Variants in DNAH12 observed in about 807,000 individuals in gnomAD.
The protein encoded by DNAH12 is dynein axonemal heavy chain 12, also known as axonemal beta dynein heavy chain 12.
Under a neutral mutation model 371.5 loss-of-function variants are expected in DNAH12, and 285 were observed. The ratio of observed to expected loss-of-function variants is 0.77; its 90% CI spans 0.70 to 0.85. The LOEUF is 0.85. Among genes scored for constraint, DNAH12 ranks in the 40% least tolerant of loss-of-function variants. DNAH12 has a pLI of 0.00. For missense variants in DNAH12, 3,611 were observed against 3,689.4 expected, an observed-to-expected ratio of 0.98 and a Z score of 0.55; for synonymous variants, 1,200 against 1,213.0, an observed-to-expected ratio of 0.99 and a Z score of 0.22.
chr3:57,475,545 A>C (rs1409060658), intron 13 of DNAH12, among the ~76,000 whole-genome samples: 1 of 152,216 alleles, frequency 6.6e-6, no homozygotes, highest in Non-Finnish European at 1.5e-5. Context: ...TTAAAATGGT[A>C]AATTTTGTGT....
At position 57,446,070 on chromosome 3, in the gene DNAH12, A is replaced by G; in HGVS notation, c.4140T>C (p.Pro1380=). 1.3e-6 allele frequency: 2 copies of G among 1,551,692 alleles called. No individual in the cohort carries two copies. The highest frequency in any genetic ancestry group is 1.7e-6 in the Non-Finnish European group (2 of 1,146,990). Residue 1380 remains proline (P), a synonymous_variant, in exon 27 of 74, where the codon CCT becomes CCC. Coordinates refer to ENST00000495027, the MANE Select transcript of DNAH12 (RefSeq NM_001366028.2). ...PNCFVAITMN[P]GYAGRSELPD... ...GCAATTCAGAGCGTCCTGCATAGCC[A>G]GGATTCATGGTAATAGCTACAAAAC... is the stretch of plus-strand genomic sequence containing the variant.
intron 71 of DNAH12, 30 bp downstream of exon 71, chr3:57,296,817 T>C (rs368920234): frequency 1.3e-6 from 2 of 1,548,726 alleles, no homozygotes; most frequent in South Asian, 1.2e-5. Flanking sequence ...AATGTAATGA[T>C]ATACTGTTGA....
chr3:57,378,534 C>T (rs1424888044), intron 52 of DNAH12, among the ~76,000 whole-genome samples: 2 of 152,082 alleles, frequency 1.3e-5, no homozygotes, highest in African/African-American at 4.8e-5. Context: ...CACAAGCTAC[C>T]ATATATTTTC....
At chr3:57,369,208 T>A (rs890616561) in intron 55 of DNAH12, among the ~76,000 whole-genome samples, 1 of 98,890 alleles carries the variant, frequency 1.0e-5, no homozygotes, top group Non-Finnish European at 2.3e-5. Context: ...CAACAAAGAT[T>A]GAAACTCCAT....
intron 62 of DNAH12, among the ~76,000 whole-genome samples, chr3:57,327,565 T>C (rs1188532391): frequency 6.6e-6 from 1 of 151,496 alleles, no homozygotes; most frequent in Non-Finnish European, 1.5e-5. Flanking sequence ...AAGCAGTGTG[T>C]AAAGGGAAAT....
intron 36 of DNAH12, 144 bp from the exon 37 acceptor site, chr3:57,419,662 A>AAC (rs1257541184): frequency 2.1e-6 from 1 of 483,490 alleles, no homozygotes; most frequent in African/African-American, 2.0e-5. Context: ...CACATAAAAG[A>AAC]ACACATATAG....
intron 2 of DNAH12, among the ~76,000 whole-genome samples, chr3:57,531,524 G>A (rs1387070480): frequency 3.3e-5 from 5 of 152,104 alleles, no homozygotes; most frequent in Admixed American, 3.3e-4. Context: ...CACTTTAGGA[G>A]GCTGAGGGAG....
intron 65 of DNAH12, among the ~76,000 whole-genome samples, chr3:57,319,956 G>C (rs1271747457): frequency 1.3e-5 from 2 of 151,986 alleles, no homozygotes; most frequent in Admixed American, 6.6e-5. Context: ...ATGATCATGT[G>C]ATTTTTATCT....
At chr3:57,411,673 G>A (rs9857375) in intron 39 of DNAH12, among the ~76,000 whole-genome samples, 79,806 of 151,256 alleles carry the variant, frequency 0.53, 22,183 homozygotes, top group African/African-American at 0.72. Flanking sequence ...AAACCCTGAA[G>A]AACTAAATCG....
At chr3:57,428,943 T>C in intron 33 of DNAH12, 122 bp from the exon 34 acceptor site, 2 of 987,030 alleles carry the variant, frequency 2.0e-6, no homozygotes, top group East Asian at 2.7e-5. Context: ...CTGCTTCACA[T>C]AGCTTCACAC....
Position 57,462,483 on chromosome 3 carries a change from C to T in DNAH12, c.2535+207G>A, listed in dbSNP as rs1575635655. 5.9e-5 allele frequency among the ~76,000 whole-genome samples: 9 copies of T among 152,116 alleles called. 2 individuals are homozygous for T. In the South Asian group the frequency reaches 1.9e-3, roughly 32 times the overall value. ...GCCAGGCTGGTCTCAAACTCCTGACCTCAGGTGATCCACATGTCTCGGCCT... is the reference window on the plus strand; with the variant it reads ...GCCAGGCTGGTCTCAAACTCCTGACTTCAGGTGATCCACATGTCTCGGCCT... On this transcript the variant is annotated intron_variant, in intron 18 of 73. Coordinates refer to ENST00000495027, the MANE Select transcript of DNAH12 (RefSeq NM_001366028.2).
intron 66 of DNAH12, among the ~76,000 whole-genome samples, chr3:57,312,758 C>T (rs867026928): frequency 1.3e-5 from 2 of 152,202 alleles, no homozygotes; most frequent in Non-Finnish European, 2.9e-5. Context: ...TGTTTAAAAT[C>T]AACGTCATTT....
chr3:57,330,471 C>A (rs867087567), intron 62 of DNAH12, among the ~76,000 whole-genome samples: 2 of 150,202 alleles, frequency 1.3e-5, no homozygotes, highest in Non-Finnish European at 2.9e-5. Context: ...GGACAAAAAA[C>A]CAAACACTGC....
chr3:57,448,071 G>A (rs2065583035), intron 25 of DNAH12, among the ~76,000 whole-genome samples: 1 of 152,146 alleles, frequency 6.6e-6, no homozygotes, highest in African/African-American at 2.4e-5. Context: ...TTAAGAAAAT[G>A]TTCACAAACA....
intron 6 of DNAH12, among the ~76,000 whole-genome samples, 154 bp downstream of exon 6, chr3:57,508,986 G>A (rs2067881490): frequency 6.6e-6 from 1 of 152,198 alleles, no homozygotes; most frequent in Non-Finnish European, 1.5e-5. Flanking sequence ...ATAGTAGAGA[G>A]AATACCTCTG....
At chr3:57,483,324 A>T in intron 13 of DNAH12, 52 bp downstream of exon 13, 1 of 1,521,814 alleles carries the variant, frequency 6.6e-7, no homozygotes, top group Non-Finnish European at 8.8e-7. Context: ...CACCATGAAA[A>T]TAATATTTCA....
At chr3:57,381,090 C>T (rs995661577) in intron 50 of DNAH12, among the ~76,000 whole-genome samples, 2 of 152,062 alleles carry the variant, frequency 1.3e-5, no homozygotes, top group Non-Finnish European at 2.9e-5. Context: ...GCTCTCCAAG[C>T]GAAATTAAAG....
intron 55 of DNAH12, among the ~76,000 whole-genome samples, chr3:57,371,721 C>A (rs1400106432): frequency 7.3e-5 from 11 of 150,698 alleles, no homozygotes; most frequent in African/African-American, 2.4e-4. Context: ...CTGGACACAT[C>A]AAACTGCTGA....
rs2063633992 is a variant in DNAH12 at position 57,391,995 on chromosome 3, A to C, written c.7182T>G (p.Phe2394Leu). 6.6e-6 allele frequency: 1 copy of C among 152,296 alleles called. No homozygotes were observed. The highest frequency in any genetic ancestry group is 1.5e-5 in the Non-Finnish European group (1 of 68,056). The allele number at this position is 152,296 out of a possible 1,614,324, so 9.4% of individuals were successfully genotyped here. ...GAAGATTATCTTTGCAGCGATTCACAAAGAAAGCAAACAGAGCTAAGGGAC... is the reference window on the plus strand; with the variant it reads ...GAAGATTATCTTTGCAGCGATTCACCAAGAAAGCAAACAGAGCTAAGGGAC... ...ELSPLALFAF[F>L]VNRCKDNLHV... Residue 2394 changes from phenylalanine to leucine, a missense_variant, in exon 45 of 74, where the codon TTT becomes TTG. By Grantham distance (22) the Phe-to-Leu change is conservative. This residue lies in a region of DNAH12 where 2,266 missense variants were observed against 2,236.9 expected (regional missense o/e 1.01). Coordinates refer to ENST00000495027, the MANE Select transcript of DNAH12 (RefSeq NM_001366028.2).
Sources: gnomAD v4.1 joint callset for allele counts (sites outside exome capture counted in the v4.1 genomes callset) on GRCh38, gnomAD v4.1.1 for gene constraint, gnomAD v4.1.1 regional missense constraint, MANE v1.5 for transcripts, NCBI Gene and HGNC (gene_info 2026-07-23, HGNC 2026-07-21) for gene names.